Variants in CERS3 observed in about 807,000 individuals in gnomAD.
The protein encoded by CERS3 is LAG1 homolog, ceramide synthase 3.
A neutral mutation model predicts 50.3 loss-of-function variants in CERS3; 33 were observed. The observed-to-expected ratio is 0.66, with a 90% CI of 0.50 to 0.88. The LOEUF (loss-of-function observed/expected upper bound fraction) is 0.88. Ranked by LOEUF, CERS3 falls within the 40% of genes least tolerant of loss-of-function variation. The pLI, the probability that CERS3 is intolerant of heterozygous loss-of-function variation, is 0.00. For synonymous variants in CERS3, 176 were observed against 155.2 expected (o/e 1.13, Z -0.99); for missense variants, 470 against 460.3 (o/e 1.02, Z -0.19).
At chr15:100,439,181 G>A (rs1596661514) in intron 11 of CERS3, among the ~76,000 whole-genome samples, 1 of 152,218 alleles carries the variant, frequency 6.6e-6, no homozygotes, top group African/African-American at 2.4e-5. Flanking sequence ...TTTATTTTAA[G>A]GCATTCAAGA....
chr15:100,508,549 G>A (rs1310887986), intron 2 of CERS3, among the ~76,000 whole-genome samples: 1 of 152,164 alleles, frequency 6.6e-6, no homozygotes, highest in East Asian at 1.9e-4. Flanking sequence ...TCACTGCTGT[G>A]AAAAATTCTT....
At chr15:100,480,148 G>C in intron 5 of CERS3, 102 bp from the exon 6 acceptor site, 1 of 843,094 alleles carries the variant, frequency 1.2e-6, no homozygotes, top group Non-Finnish European at 2.0e-6. Flanking sequence ...ACACATTCTG[G>C]AGTCAGACAA....
chr15:100,458,965 TG>T lies in CERS3; in HGVS notation c.846-2920del, dbSNP rs1337684185. ...AAATATTTCAGGCCTCTGGACCATT[TG>T]GTCTCTGTTGCAACTACTCAATTCA... On this transcript the variant is annotated intron_variant, in intron 10 of 11. Coordinates refer to ENST00000679737, the MANE Select transcript of CERS3 (RefSeq NM_001378789.1). Among the ~76,000 whole-genome samples, 4 of 152,350 alleles carry T rather than the reference TG, an allele frequency of 2.6e-5. No homozygotes were observed. The East Asian group carries it at 7.7e-4, about 29-fold the overall frequency.
chr15:100,465,651 GT>G (rs2034687849), intron 10 of CERS3, among the ~76,000 whole-genome samples: 1 of 148,658 alleles, frequency 6.7e-6, no homozygotes, highest in Non-Finnish European at 1.5e-5. Context: ...TTTTGCTGTT[GT>G]TTTGAACTTT....
chr15:100,527,272 C>T (rs1453820988), intron 1 of CERS3, among the ~76,000 whole-genome samples: 1 of 152,078 alleles, frequency 6.6e-6, no homozygotes, highest in Admixed American at 6.6e-5. Context: ...ACTGCAGCCT[C>T]AGTGACAGAG....
rs560244322 is a variant in CERS3, at chr15:100,543,345, T to C, written c.-355+1306A>G. On this transcript the variant is annotated intron_variant, in intron 1 of 12. Coordinates refer to the CERS3 transcript ENST00000284382. Reference sequence around the variant, plus strand: ...AACCTAACTGGACTGCTTTACCATCTCTACACTCCACATACTACTTAGATT... The same window carrying C: ...AACCTAACTGGACTGCTTTACCATCCCTACACTCCACATACTACTTAGATT... 1.2e-4 allele frequency among the ~76,000 whole-genome samples: 18 copies of C among 152,290 alleles called. No individual in the cohort carries two copies. The South Asian group carries it at 3.7e-3, about 32-fold the overall frequency.
At chr15:100,404,105 C>A (rs2030787582) in intron 11 of CERS3, among the ~76,000 whole-genome samples, 1 of 152,192 alleles carries the variant, frequency 6.6e-6, no homozygotes, top group African/African-American at 2.4e-5. Context: ...GAAATGCTGG[C>A]AGCCACCAGA....
chr15:100,482,622 G>T (rs1033415976), intron 5 of CERS3, among the ~76,000 whole-genome samples: 1 of 151,436 alleles, frequency 6.6e-6, no homozygotes, highest in Admixed American at 6.6e-5. Flanking sequence ...AAAAAAAAGG[G>T]CCCATTATGT....
intron 11 of CERS3, among the ~76,000 whole-genome samples, chr15:100,415,141 AC>A (rs1014242317): frequency 3.3e-5 from 5 of 152,366 alleles, no homozygotes; most frequent in African/African-American, 1.2e-4. Flanking sequence ...TCAAAAGAAG[AC>A]ATTTATGCAT....
intron 10 of CERS3, among the ~76,000 whole-genome samples, chr15:100,459,394 C>T (rs887949890): frequency 1.3e-5 from 2 of 152,168 alleles, no homozygotes; most frequent in Non-Finnish European, 2.9e-5. Flanking sequence ...CTCCCAGGCT[C>T]AAGCAATCCT....
chr15:100,403,005 C>G (rs1311397506), intron 11 of CERS3, 140 bp from the exon 12 acceptor site: 2 of 813,510 alleles, frequency 2.5e-6, no homozygotes. Flanking sequence ...CCAAGATTGA[C>G]TATATCATGG....
rs553437607 is a variant in CERS3 at position 100,544,270 on chromosome 15, C to T, written c.-355+381G>A. 7 of 152,488 alleles carry T rather than the reference C, an allele frequency of 4.6e-5. No individual in the cohort carries two copies. The East Asian group carries it at 9.6e-4, about 21-fold the overall frequency. The allele number at this position is 152,488 out of a possible 1,614,324, so 9.4% of individuals were successfully genotyped here. ...AGCGCTCCTAACGGACTTTGCAAGG[C>T]CCAGTACACGGGGGCTGCCGCGAGC... On this transcript the variant is annotated intron_variant, in intron 1 of 12. Coordinates refer to the CERS3 transcript ENST00000284382.
At chr15:100,449,620 G>A (rs1340260574) in intron 11 of CERS3, among the ~76,000 whole-genome samples, 1 of 152,142 alleles carries the variant, frequency 6.6e-6, no homozygotes. Context: ...AAAATTCACA[G>A]ACACCACTGA....
At chr15:100,467,850 T>TATATATATATAG (rs145899470) in intron 10 of CERS3, among the ~76,000 whole-genome samples, 18 of 93,136 alleles carry the variant, frequency 1.9e-4, no homozygotes, top group African/African-American at 6.3e-4. Flanking sequence ...TATATATATA[T>TATATATATATAG]ATAGATAGAT....
intron 11 of CERS3, among the ~76,000 whole-genome samples, chr15:100,448,060 G>A (rs1458766705): frequency 6.6e-6 from 1 of 152,170 alleles, no homozygotes; most frequent in Non-Finnish European, 1.5e-5. Context: ...AAGCTCGGGG[G>A]AGAGCGTTAT....
At position 100,467,846 on chromosome 15, in the gene CERS3, T is replaced by TAGATAG. The variant is rs1555528317; in HGVS notation, c.845+1531_845+1532insCTATCT. Among the ~76,000 whole-genome samples the TAGATAG allele has an allele frequency of 5.1e-3, 201 of 39,076 alleles. 3 individuals carry two copies. The highest frequency in any genetic ancestry group is 9.7e-3 in the African/African-American group (157 of 16,158). 25.6% of individuals were successfully genotyped at this position (39,076 alleles called of 152,430 possible). On this transcript the variant is annotated intron_variant, in intron 10 of 11. Transcript: ENST00000679737. ...GTGTATATATATACGTGTATATATA[T>TAGATAG]ATATATAGATAGATAGATAGATAGA...
chr15:100,536,713 G>T (rs2037083397), intron 1 of CERS3, among the ~76,000 whole-genome samples: 1 of 152,218 alleles, frequency 6.6e-6, no homozygotes, highest in Admixed American at 6.5e-5. Context: ...CTGGAAGATA[G>T]AACTTAGTAG....
chr15:100,483,731 C>T (rs1225114952), intron 5 of CERS3, among the ~76,000 whole-genome samples: 3 of 151,246 alleles, frequency 2.0e-5, no homozygotes, highest in Non-Finnish European at 4.4e-5. Context: ...CCCAACTTCC[C>T]TGACTGTCTC....
At chr15:100,544,504 T>G (rs955643916) in intron 1 of CERS3, 3 of 100,800 alleles carry the variant, frequency 3.0e-5, no homozygotes, top group African/African-American at 9.1e-5. Flanking sequence ...GACCTGGGCC[T>G]GCGCGGGGAC....
Sources: allele counts gnomAD v4.1 joint callset (sites outside exome capture counted in the v4.1 genomes callset), GRCh38; gene constraint gnomAD v4.1.1; transcripts MANE v1.5; gene names NCBI Gene and HGNC (gene_info 2026-07-23, HGNC 2026-07-21).